Variants in GRM1 observed in about 807,000 individuals in gnomAD.
GRM1 encodes the protein metabotropic glutamate receptor 1.
Under a neutral mutation model 90.9 loss-of-function variants are expected in GRM1, and 33 were observed. That is an observed-to-expected ratio of 0.36 (90% CI 0.28 to 0.49). The LOEUF is 0.49. Among genes scored for constraint, GRM1 ranks in the 20% least tolerant of loss-of-function variants. GRM1 has a pLI of 0.99. For synonymous variants in GRM1, 700 were observed against 613.2 expected, an observed-to-expected ratio of 1.14 and a Z score of -2.09; for missense variants, 1,190 against 1,534.3, an observed-to-expected ratio of 0.78 and a Z score of 3.75.
chr6:146,326,534 C>A (rs1193937093), intron 3 of GRM1, among the ~76,000 whole-genome samples: 1 of 151,744 alleles, frequency 6.6e-6, no homozygotes, highest in Non-Finnish European at 1.5e-5. Context: ...TACAATAAAC[C>A]CCCAGAACAC....
chr6:146,399,291 T>C lies in GRM1; in HGVS notation c.2252T>C (p.Leu751Pro). The change falls in exon 7 of 8, where the codon CTG becomes CCG. Residue 751 changes from leucine to proline, a missense_variant. Physicochemically the swap from Leu to Pro is moderately conservative, Grantham distance 98 (BLOSUM62 -3). Transcript: ENST00000282753. The surrounding 1 kb of genome is among the most constrained non-coding windows in gnomAD (Gnocchi z 5.4). ...TACCTTATCTGCAATACCAGCAACC[T>C]GGGTGTGGTGGCCCCTTTGGGCTAC... ...EVYLICNTSN[L>P]GVVAPLGYNG... is the part of the protein sequence containing the mutation. The C allele has an allele frequency of 1.2e-6, 2 of 1,614,128 alleles. No homozygotes were observed. The highest frequency in any genetic ancestry group is 8.5e-7 in the Non-Finnish European group (1 of 1,180,010).
In GRM1 at chr6:146,384,102, GA is replaced by G. The variant is rs375442951; in HGVS notation, c.1603-2786del. On this transcript the variant is annotated intron_variant, in intron 5 of 7. Transcript: ENST00000282753. ...GAGCTTGGCCATCTTGCTAATTTAAGAAGACAGAATCAGAGTTTGGGAGGAC... is the reference window on the plus strand; with the variant it reads ...GAGCTTGGCCATCTTGCTAATTTAAGAGACAGAATCAGAGTTTGGGAGGAC... Among the ~76,000 whole-genome samples, 98 of 152,214 alleles carry G rather than the reference GA, an allele frequency of 6.4e-4. 2 individuals are homozygous for G. The South Asian group carries it at 0.02, about 31-fold the overall frequency.
chr6:146,219,588 A>C (rs1779986490), intron 2 of GRM1, among the ~76,000 whole-genome samples: 1 of 152,090 alleles, frequency 6.6e-6, no homozygotes, highest in Non-Finnish European at 1.5e-5. Flanking sequence ...TTGGTATGTA[A>C]GACATAGTGA....
chr6:146,181,842 G>C (rs1778563756), intron 2 of GRM1, among the ~76,000 whole-genome samples: 1 of 151,980 alleles, frequency 6.6e-6, no homozygotes, highest in Admixed American at 6.6e-5. Flanking sequence ...AAATCAATTA[G>C]TAATCATTTT....
At chr6:146,263,973 A>G (rs1391687849) in intron 2 of GRM1, among the ~76,000 whole-genome samples, 1 of 152,162 alleles carries the variant, frequency 6.6e-6, no homozygotes, top group Non-Finnish European at 1.5e-5. Context: ...TGCAGAATGC[A>G]TGCTCATTGG....
At chr6:146,285,460 A>T (rs1402229253) in intron 2 of GRM1, among the ~76,000 whole-genome samples, 1 of 152,122 alleles carries the variant, frequency 6.6e-6, no homozygotes, top group African/African-American at 2.4e-5. Context: ...CAACTAATTT[A>T]TCTGGTTTTG....
chr6:146,050,181 C>A (rs369951612), intron 1 of GRM1, among the ~76,000 whole-genome samples: 1 of 151,950 alleles, frequency 6.6e-6, no homozygotes, highest in African/African-American at 2.4e-5. Context: ...ATATTGCATT[C>A]GACACACCTG....
rs569235977 is a variant in GRM1 at position 146,416,607 on chromosome 6, T to C, written c.2660+16908T>C. On this transcript the variant is annotated intron_variant, in intron 7 of 7. Transcript: ENST00000282753. ...TTATTAATGTGATTGATTTGCATAA[T>C]CAATATCTATGTATCCCCATATGTT... Among the ~76,000 whole-genome samples the C allele has an allele frequency of 9.3e-4, 141 of 152,340 alleles. No individual in the cohort carries two copies. In the South Asian group the frequency reaches 0.028, roughly 30 times the overall value.
chr6:146,070,762 A>G (rs1464929752), intron 1 of GRM1, among the ~76,000 whole-genome samples: 2 of 152,194 alleles, frequency 1.3e-5, no homozygotes, highest in African/African-American at 4.8e-5. Flanking sequence ...TTTTGGCAGC[A>G]GAATCATGAC....
rs1297488798 is a variant in GRM1 at position 146,243,956 on chromosome 6, G to C, written c.951-60655G>C. 3.3e-5 allele frequency among the ~76,000 whole-genome samples: 5 copies of C among 152,040 alleles called. No individual in the cohort carries two copies. The East Asian group carries it at 9.6e-4, about 29-fold the overall frequency. On this transcript the variant is annotated intron_variant, in intron 2 of 7. Transcript: ENST00000282753. Reference sequence around the variant, plus strand: ...TCTTTGCTGAGAAAAAGAATTCAGCGATATTTCTCCTATTTGCTTTTGAAA... The same window carrying C: ...TCTTTGCTGAGAAAAAGAATTCAGCCATATTTCTCCTATTTGCTTTTGAAA...
intron 7 of GRM1, among the ~76,000 whole-genome samples, chr6:146,418,867 G>A (rs9376991): frequency 0.46 from 70,311 of 151,798 alleles, 16,489 homozygotes; most frequent in South Asian, 0.6. Flanking sequence ...CTTCTTTCAC[G>A]CTTAAAAGTA....
intron 2 of GRM1, among the ~76,000 whole-genome samples, chr6:146,201,401 A>C (rs1219234066): frequency 2.6e-5 from 4 of 152,222 alleles, no homozygotes; most frequent in Admixed American, 2.6e-4. Flanking sequence ...GTTAAACAAC[A>C]GGTATTTTAT....
chr6:146,293,536 C>T (rs1277053876), intron 2 of GRM1, among the ~76,000 whole-genome samples: 2 of 151,900 alleles, frequency 1.3e-5, no homozygotes. Context: ...ACAACAATAT[C>T]GTGAGTGATA....
intron 2 of GRM1, among the ~76,000 whole-genome samples, chr6:146,203,050 C>A (rs1005788917): frequency 1.3e-5 from 2 of 151,782 alleles, no homozygotes; most frequent in African/African-American, 4.8e-5. Context: ...AAAAATTAGC[C>A]GGGCGTGGTG....
intron 7 of GRM1, among the ~76,000 whole-genome samples, chr6:146,413,140 A>G (rs1777629763): frequency 1.3e-5 from 2 of 152,080 alleles, no homozygotes; most frequent in African/African-American, 4.8e-5. Flanking sequence ...TCAAAAGCCA[A>G]TTTTGCTGGA....
chr6:146,145,660 G>T (rs1777067354), intron 1 of GRM1, among the ~76,000 whole-genome samples: 1 of 152,210 alleles, frequency 6.6e-6, no homozygotes, highest in African/African-American at 2.4e-5. Context: ...TGGAAAGGCA[G>T]GAGTTAAGGC....
In GRM1 at chr6:146,272,040, G is replaced by T. The variant is rs759529740; in HGVS notation, c.951-32571G>T. The stretch of plus-strand genomic sequence containing the variant: ...CCTGCATTTCATCAGTGTTTTCAGT[G>T]TTCCAAGACTGTGTCCAGATACACA... On this transcript the variant is annotated intron_variant, in intron 2 of 7. Transcript: ENST00000282753. 3.9e-5 allele frequency among the ~76,000 whole-genome samples: 6 copies of T among 152,102 alleles called. No individual in the cohort carries two copies. The South Asian group carries it at 1.2e-3, about 32-fold the overall frequency.
At chr6:146,103,167 C>T (rs1777107299) in intron 1 of GRM1, among the ~76,000 whole-genome samples, 1 of 152,122 alleles carries the variant, frequency 6.6e-6, no homozygotes, top group African/African-American at 2.4e-5. Flanking sequence ...TGGCAATTGG[C>T]ATTTTTGCAT....
At chr6:146,145,871 GC>G (rs1777075201) in intron 1 of GRM1, among the ~76,000 whole-genome samples, 1 of 152,062 alleles carries the variant, frequency 6.6e-6, no homozygotes, top group South Asian at 2.1e-4. Flanking sequence ...GGTGTACTGA[GC>G]CCAGTCAAAC....
Sources: allele counts gnomAD v4.1 joint callset (sites outside exome capture counted in the v4.1 genomes callset), GRCh38; gene constraint gnomAD v4.1.1; non-coding constraint Gnocchi (gnomAD v3.1); transcripts MANE v1.5; gene names NCBI Gene and HGNC (gene_info 2026-07-23, HGNC 2026-07-21).